PDE6G: variants seen among roughly 807,000 people sequenced by gnomAD.
The protein encoded by PDE6G is phosphodiesterase 6G.
PDE6G carries 10 observed loss-of-function variants against 10.9 expected under a neutral mutation model. The ratio of observed to expected loss-of-function variants is 0.91; its 90% CI spans 0.56 to 1.55. The LOEUF is 1.55. PDE6G is among the 40% of genes most tolerant of loss of function. The pLI, the probability that PDE6G is intolerant of heterozygous loss-of-function variation, is 0.00. For missense variants in PDE6G, 102 were observed against 110.1 expected, an observed-to-expected ratio of 0.93 and a Z score of 0.33; for synonymous variants, 41 against 42.8, an observed-to-expected ratio of 0.96 and a Z score of 0.16.
upstream of PDE6G, chr17:81,656,912 G>A (rs2036454153): frequency 2.3e-6 from 1 of 426,166 alleles, no homozygotes; most frequent in South Asian, 2.3e-5. Context: ...ACCCGCTGCT[G>A]TGGCCTCACA....
At chr17:81,660,312 T>G (rs927385853), upstream of PDE6G, among the ~76,000 whole-genome samples, 1 of 152,048 alleles carries the variant, frequency 6.6e-6, no homozygotes, top group African/African-American at 2.4e-5. Flanking sequence ...CTGGGGAGGC[T>G]GAGGCAGGAG....
intron 1 of PDE6G, among the ~76,000 whole-genome samples, chr17:81,661,653 G>A (rs1398395379): frequency 6.6e-6 from 1 of 152,122 alleles, no homozygotes; most frequent in Non-Finnish European, 1.5e-5. Flanking sequence ...AAGGTCAGGA[G>A]TTCAAGACCA....
intron 1 of PDE6G, among the ~76,000 whole-genome samples, chr17:81,654,324 G>A (rs927113632): frequency 6.6e-5 from 10 of 151,730 alleles, no homozygotes; most frequent in African/African-American, 1.2e-4. Flanking sequence ...ATCACGCGTC[G>A]AGTTAGCCCT....
chr17:81,656,629 C>T (rs765987347), upstream of PDE6G: 21 of 713,216 alleles, frequency 2.9e-5, no homozygotes, highest in East Asian at 5.5e-4. Flanking sequence ...ATTGTTGGGC[C>T]CCGAGGGGGG....
At position 81,653,711 on chromosome 17, in the gene PDE6G, G is replaced by T; in HGVS notation, c.-59-347C>A. The T allele has an allele frequency of 4.2e-6, 1 of 236,366 alleles. No individual in the cohort carries two copies. The highest frequency in any genetic ancestry group is 4.9e-5 in the Admixed American group (1 of 20,332). The allele number at this position is 236,366 out of a possible 1,614,324, so 14.6% of individuals were successfully genotyped here. On this transcript the variant is annotated intron_variant, in intron 1 of 3. Coordinates refer to ENST00000331056, the MANE Select transcript of PDE6G (RefSeq NM_002602.4). This position sits in a 1 kb window ranked among gnomAD's most constrained non-coding sequence, Gnocchi z 5.2. Reference sequence around the variant, plus strand: ...AGCCTGGAGTCCTCACCACCTCCCTGTGGGTGACCACTGACAACTTCCTGC... The same window carrying T: ...AGCCTGGAGTCCTCACCACCTCCCTTTGGGTGACCACTGACAACTTCCTGC...
Position 81,650,470 on chromosome 17 carries a change from A to G in PDE6G, c.*604T>C, listed in dbSNP as rs1430312186. ...ATATGCCACAGACAGGCAAGGACAC[A>G]CTAATTTTATTTTGAAATAGGGACT... On this transcript the variant is annotated 3_prime_UTR_variant, in exon 4 of 4. Coordinates refer to ENST00000331056, the MANE Select transcript of PDE6G (RefSeq NM_002602.4). 1 of 450,508 alleles carries G rather than the reference A, an allele frequency of 2.2e-6. No individual in the cohort carries two copies. Among genetic ancestry groups the G allele is most frequent in the Non-Finnish European group, 4.5e-6 (1 of 224,034 alleles). 27.9% of individuals were successfully genotyped at this position (450,508 alleles called of 1,614,324 possible). A position where few individuals can be genotyped will look rare whatever the true frequency, so the allele number is the denominator to read the frequency against.
chr17:81,662,785 G>A (rs56396951), intron 1 of PDE6G, among the ~76,000 whole-genome samples: 5,056 of 152,194 alleles, frequency 0.033, 132 homozygotes, highest in African/African-American at 0.066. Context: ...GATTACCTGA[G>A]CCTAGGAGTT....
intron 2 of PDE6G, among the ~76,000 whole-genome samples, chr17:81,652,015 G>C (rs977722483): frequency 2.0e-5 from 3 of 151,972 alleles, no homozygotes; most frequent in African/African-American, 7.3e-5. Context: ...ATTTGTGAAG[G>C]TGGCTTGTCT....
rs528541285 is a variant in PDE6G, at chr17:81,653,952, C to T, written c.-59-588G>A. On this transcript the variant is annotated intron_variant, in intron 1 of 3. Transcript: ENST00000331056. This position sits in a 1 kb window ranked among gnomAD's most constrained non-coding sequence, Gnocchi z 5.2. ...CAGCCTCCCCAGCAGCTGGGATTAC[C>T]GGCGTCTGCCACCATGCCCGGCTAA... Among the ~76,000 whole-genome samples the T allele has an allele frequency of 1.3e-5, 2 of 151,682 alleles. No homozygotes were observed. The highest frequency in any genetic ancestry group is 2.1e-4 in the South Asian group (1 of 4,802).
At chr17:81,652,977 A>G (rs370941509) in intron 2 of PDE6G, among the ~76,000 whole-genome samples, 183 bp downstream of exon 2, 3 of 151,620 alleles carry the variant, frequency 2.0e-5, no homozygotes, top group Middle Eastern at 3.2e-3. Context: ...GGAGCCCCCA[A>G]TTCCCCTTCC....
In PDE6G at chr17:81,653,319, G is replaced by A. The variant is rs757057180; in HGVS notation, c.-14C>T. The A allele has an allele frequency of 3.4e-5, 54 of 1,591,614 alleles. No homozygotes were observed. The highest frequency in any genetic ancestry group is 8.4e-5 in the African/African-American group (6 of 71,308). ...TTCCAGGTTCATGGTGAGGCTGACG[G>A]AGACACCGCGGCAACCTTGGCTCCT... On this transcript the variant is annotated 5_prime_UTR_variant, in exon 2 of 4. Transcript: ENST00000331056. This position sits in a 1 kb window ranked among gnomAD's most constrained non-coding sequence, Gnocchi z 5.2.
rs2036386787 is a variant in PDE6G at position 81,653,044 on chromosome 17, G to A, written c.146+116C>T. The A allele has an allele frequency of 4.9e-6, 6 of 1,219,948 alleles. No homozygotes were observed. Among genetic ancestry groups the A allele is most frequent in the East Asian group, 2.3e-5 (1 of 42,974 alleles). The allele number at this position is 1,219,948 out of a possible 1,614,324, so 75.6% of individuals were successfully genotyped here. The stretch of plus-strand genomic sequence containing the variant: ...ACCGCCCTACCTTCCCCAGCTGTGA[G>A]GCTGGGACCACTCACCCAGTGAAGT... On this transcript the variant is annotated intron_variant, in intron 2 of 3. Coordinates refer to ENST00000331056, the MANE Select transcript of PDE6G (RefSeq NM_002602.4). The surrounding 1 kb of genome is among the most constrained non-coding windows in gnomAD (Gnocchi z 5.2).
At chr17:81,660,922 G>A (rs1053381843), upstream of PDE6G, among the ~76,000 whole-genome samples, 2 of 152,012 alleles carry the variant, frequency 1.3e-5, no homozygotes, top group African/African-American at 2.4e-5. Context: ...GATTGTGTGT[G>A]TGATTGTTTT....
chr17:81,659,983 G>T (rs770821891), upstream of PDE6G, among the ~76,000 whole-genome samples: 1 of 152,146 alleles, frequency 6.6e-6, no homozygotes, highest in Non-Finnish European at 1.5e-5. Flanking sequence ...TACTCAGGAG[G>T]CTGAGGCAGG....
At chr17:81,661,457 C>T (rs2036509446), upstream of PDE6G, among the ~76,000 whole-genome samples, 1 of 152,234 alleles carries the variant, frequency 6.6e-6, no homozygotes, top group South Asian at 2.1e-4. Context: ...TGGCTCATGC[C>T]TGTAATCCCA....
At chr17:81,659,409 G>C (rs999253530), upstream of PDE6G, among the ~76,000 whole-genome samples, 25 of 151,440 alleles carry the variant, frequency 1.7e-4, no homozygotes, top group African/African-American at 6.1e-4. Context: ...GACCGGCCTG[G>C]GCAATATAGT....
At chr17:81,657,955 G>A (rs935458672), upstream of PDE6G, among the ~76,000 whole-genome samples, 1 of 151,430 alleles carries the variant, frequency 6.6e-6, no homozygotes, top group Non-Finnish European at 1.5e-5. Context: ...CTCAAACAGC[G>A]CTTTGGGAGG....
intron 1 of PDE6G, among the ~76,000 whole-genome samples, chr17:81,655,696 C>G (rs1005329300): frequency 6.6e-6 from 1 of 151,602 alleles, no homozygotes; most frequent in Admixed American, 6.6e-5. Flanking sequence ...ATGACACAGA[C>G]AGGAGGGGCT....
rs1204788843 is a variant in PDE6G at position 81,651,268 on chromosome 17, G to A, written c.188-118C>T. On this transcript the variant is annotated intron_variant, in intron 3 of 3. Coordinates refer to ENST00000331056, the MANE Select transcript of PDE6G (RefSeq NM_002602.4). This position sits in a 1 kb window ranked among gnomAD's most constrained non-coding sequence, Gnocchi z 4.8. Reference sequence around the variant, plus strand: ...GCCCTACAGTGTGCTGAGCGGGGACGTGCGGACGCTGGAGTGGGGCCCTCC... The same window carrying A: ...GCCCTACAGTGTGCTGAGCGGGGACATGCGGACGCTGGAGTGGGGCCCTCC... 7 of 771,728 alleles carry A rather than the reference G, an allele frequency of 9.1e-6. No homozygotes were observed. Among genetic ancestry groups the A allele is most frequent in the African/African-American group, 1.7e-5 (1 of 58,608 alleles). 47.8% of individuals were successfully genotyped at this position (771,728 alleles called of 1,614,324 possible).
Sources: allele counts gnomAD v4.1 joint callset (sites outside exome capture counted in the v4.1 genomes callset), GRCh38; gene constraint gnomAD v4.1.1; non-coding constraint Gnocchi (gnomAD v3.1); transcripts MANE v1.5; gene names NCBI Gene and HGNC (gene_info 2026-07-23, HGNC 2026-07-21).